Variants in IL10RB observed in about 807,000 individuals in gnomAD.
IL10RB encodes the protein interleukin 10 receptor subunit beta, also known as interleukin-10 receptor subunit beta.
Under a neutral mutation model 38.7 loss-of-function variants are expected in IL10RB, and 30 were observed. That is an observed-to-expected ratio of 0.78 (90% confidence interval 0.58 to 1.05). IL10RB has a LOEUF of 1.05. Ranked by LOEUF, IL10RB falls within the 50% of genes least tolerant of loss-of-function variation. The pLI is 0.00. For synonymous variants in IL10RB, 142 were observed against 145.9 expected, an observed-to-expected ratio of 0.97 and a Z score of 0.19; for missense variants, 328 against 397.1, an observed-to-expected ratio of 0.83 and a Z score of 1.48.
At chr21:33,271,856 C>T (rs1178364550) in intron 2 of IL10RB, among the ~76,000 whole-genome samples, 1 of 151,804 alleles carries the variant, frequency 6.6e-6, no homozygotes, top group African/African-American at 2.4e-5. Context: ...CTTTGGGGGG[C>T]CAAGGTAGGA....
intron 1 of IL10RB, among the ~76,000 whole-genome samples, chr21:33,304,403 T>C (rs891678230): frequency 6.6e-6 from 1 of 152,208 alleles, no homozygotes; most frequent in Non-Finnish European, 1.5e-5. Flanking sequence ...CAAGCCATGC[T>C]GACTCGGCCT....
chr21:33,273,889 G>A (rs1341265248), intron 2 of IL10RB, among the ~76,000 whole-genome samples: 3 of 152,064 alleles, frequency 2.0e-5, no homozygotes, highest in East Asian at 3.8e-4. Flanking sequence ...TCGCATCTTC[G>A]GGTTCCGCTT....
At chr21:33,272,333 C>A (rs772127370) in intron 2 of IL10RB, among the ~76,000 whole-genome samples, 3 of 152,196 alleles carry the variant, frequency 2.0e-5, no homozygotes, top group Non-Finnish European at 4.4e-5. Flanking sequence ...TTATCACCAT[C>A]ACTTTCATCA....
chr21:33,295,120 T>C lies in IL10RB; in HGVS notation c.805-1064T>C, dbSNP rs191354204. On this transcript the variant is annotated intron_variant, in intron 6 of 6. Coordinates refer to ENST00000290200, the MANE Select transcript of IL10RB (RefSeq NM_000628.5). ...GTGGCTCACGCCTGTAATCCCAGCA[T>C]TTTGGGAGGCCAAGGTGGGCAGATC... Among the ~76,000 whole-genome samples, 7 of 151,406 alleles carry C rather than the reference T, an allele frequency of 4.6e-5. No individual in the cohort carries two copies. In the East Asian group the frequency reaches 1.2e-3, roughly 25 times the overall value.
intron 2 of IL10RB, among the ~76,000 whole-genome samples, chr21:33,270,574 C>G (rs1455601520): frequency 6.6e-6 from 1 of 151,810 alleles, no homozygotes; most frequent in Non-Finnish European, 1.5e-5. Flanking sequence ...CACTGTTTCA[C>G]CGTGTTACCC....
intron 1 of IL10RB, among the ~76,000 whole-genome samples, chr21:33,267,071 A>G (rs559567867): frequency 6.6e-6 from 1 of 152,218 alleles, no homozygotes; most frequent in Admixed American, 6.5e-5. Context: ...CCCCAGCTCC[A>G]TGGCTTCTAA....
Position 33,279,839 on chromosome 21 carries a change from A to T in IL10RB, c.419A>T (p.Tyr140Phe). 6.2e-7 allele frequency: 1 copy of T among 1,613,656 alleles called. No individual in the cohort carries two copies. Among genetic ancestry groups the T allele is most frequent in the Non-Finnish European group, 8.5e-7 (1 of 1,179,494 alleles). The change falls in exon 4 of 7, where the codon TAC becomes TTC. Residue 140 changes from tyrosine (Y) to phenylalanine (F), a missense_variant. By Grantham distance (22) the Tyr-to-Phe change is conservative (BLOSUM62 3). Transcript: ENST00000290200. ...TTAGCCCCTAAAATTGAGAATGAAT[A>T]CGAAACTTGGACTATGAAGAATGTG... Reference protein sequence around the residue: ...RFLAPKIENEYETWTMKNVYN... With the variant: ...RFLAPKIENEFETWTMKNVYN...
At chr21:33,308,437 A>C (rs1235159344) in intron 1 of IL10RB, 1 of 152,226 alleles carries the variant, frequency 6.6e-6, no homozygotes. Flanking sequence ...TCTGAAAAGC[A>C]TGAGATTGCT....
At chr21:33,268,218 G>C (rs754306307) in intron 1 of IL10RB, 176 bp from the exon 2 acceptor site, 2 of 1,516,076 alleles carry the variant, frequency 1.3e-6, no homozygotes, top group Non-Finnish European at 1.8e-6. Context: ...TCTCCTCACG[G>C]CTGTTCAAAG....
intron 2 of IL10RB, among the ~76,000 whole-genome samples, chr21:33,268,885 T>A (rs1002864195): frequency 5.3e-5 from 8 of 152,132 alleles, no homozygotes; most frequent in African/African-American, 1.9e-4. Flanking sequence ...CTGTCATCTC[T>A]AGGTATGAGT....
At chr21:33,290,245 A>G (rs1463771679) in intron 6 of IL10RB, among the ~76,000 whole-genome samples, 1 of 151,836 alleles carries the variant, frequency 6.6e-6, no homozygotes, top group East Asian at 1.9e-4. Flanking sequence ...GATCCCTCAC[A>G]CCACTGCACT....
At chr21:33,268,101 A>G (rs1989006501) in intron 1 of IL10RB, 4 of 658,998 alleles carry the variant, frequency 6.1e-6, no homozygotes, top group Non-Finnish European at 6.9e-6. Context: ...GTCTGGAAAT[A>G]TATCTGAAAT....
chr21:33,291,699 G>T (rs182414282), intron 6 of IL10RB, among the ~76,000 whole-genome samples: 19 of 152,334 alleles, frequency 1.2e-4, no homozygotes, highest in Non-Finnish European at 2.6e-4. Context: ...CTAAACTAAA[G>T]GTTAGCTCCA....
chr21:33,278,812 G>A (rs747800609), intron 3 of IL10RB, among the ~76,000 whole-genome samples: 2 of 152,164 alleles, frequency 1.3e-5, no homozygotes, highest in Non-Finnish European at 2.9e-5. Flanking sequence ...TTCTTGTCTG[G>A]TTTTCAGACG....
intron 5 of IL10RB, among the ~76,000 whole-genome samples, chr21:33,287,669 G>C (rs956946930): frequency 2.6e-5 from 4 of 152,104 alleles, no homozygotes; most frequent in Admixed American, 1.3e-4. Context: ...ACCTGGCTTA[G>C]TGCAGGGGTT....
exon 2 of IL10RB, chr21:33,309,419 T>C (rs1184527456): frequency 3.3e-5 from 5 of 152,232 alleles, no homozygotes; most frequent in Non-Finnish European, 7.3e-5. Flanking sequence ...CACTGCCTCC[T>C]TATGACCAAC....
intron 3 of IL10RB, 127 bp downstream of exon 3, chr21:33,276,880 A>C (rs1215678390): frequency 2.7e-6 from 2 of 737,280 alleles, no homozygotes; most frequent in Non-Finnish European, 4.7e-6. Flanking sequence ...CAAGGAGCTT[A>C]AGGAATATAA....
rs960036532 is a variant in IL10RB, at chr21:33,276,060, C to T, written c.174-536C>T. 2.0e-5 allele frequency among the ~76,000 whole-genome samples: 3 copies of T among 152,334 alleles called. No homozygotes were observed. The South Asian group carries it at 6.2e-4, about 32-fold the overall frequency. ...TGGAAAAATGGCACCAATAGACTTG[C>T]TCAATGCAGGGTTGCTGCAGACCTT... On this transcript the variant is annotated intron_variant, in intron 2 of 6. Coordinates refer to ENST00000290200, the MANE Select transcript of IL10RB (RefSeq NM_000628.5).
chr21:33,283,029 GA>G (rs373396776), intron 4 of IL10RB, 64 bp from the exon 5 acceptor site: 51,600 of 935,166 alleles, frequency 0.055, 3,237 homozygotes, highest in African/African-American at 0.35. Context: ...TGATAAATGT[GA>G]AAAAAAAAAA....
Sources: gnomAD v4.1 joint callset for allele counts (sites outside exome capture counted in the v4.1 genomes callset) on GRCh38, gnomAD v4.1.1 for gene constraint, MANE v1.5 for transcripts, NCBI Gene and HGNC (gene_info 2026-07-23, HGNC 2026-07-21) for gene names.